The following LRRC4C variants were observed in gnomAD, a reference collection of about 807,000 sequenced individuals.
LRRC4C encodes leucine rich repeat containing 4C.
LRRC4C carries 5 observed loss-of-function variants against 33.6 expected under a neutral mutation model. The observed-to-expected ratio is 0.15, with a 90% CI of 0.08 to 0.31. LRRC4C has a LOEUF of 0.31. Ranked by LOEUF, LRRC4C falls within the 10% of genes least tolerant of loss-of-function variation. LRRC4C has a pLI of 1.00. For synonymous variants in LRRC4C, 329 were observed against 302.0 expected (o/e 1.09, Z -0.93); for missense variants, 560 against 796.7 (o/e 0.70, Z 3.58).
At chr11:41,275,107 A>T (rs1246300415) in intron 1 of LRRC4C, among the ~76,000 whole-genome samples, 1 of 152,168 alleles carries the variant, frequency 6.6e-6, no homozygotes, top group Non-Finnish European at 1.5e-5. Flanking sequence ...GCCATGAGAT[A>T]GGCCAGCTTA....
intron 1 of LRRC4C, among the ~76,000 whole-genome samples, chr11:41,154,440 A>C (rs1364861993): frequency 3.3e-5 from 5 of 152,132 alleles, no homozygotes; most frequent in Non-Finnish European, 7.4e-5. Context: ...GGAAAAGACC[A>C]AATTTTAAAA....
intron 2 of LRRC4C, among the ~76,000 whole-genome samples, chr11:40,797,804 G>T (rs1339553020): frequency 1.3e-5 from 2 of 152,080 alleles, no homozygotes; most frequent in Non-Finnish European, 2.9e-5. Flanking sequence ...GTGTTTAAAT[G>T]ATGATAAGCT....
At chr11:41,428,400 G>A (rs995679267) in intron 1 of LRRC4C, among the ~76,000 whole-genome samples, 4 of 152,072 alleles carry the variant, frequency 2.6e-5, no homozygotes, top group Non-Finnish European at 5.9e-5. Context: ...CTGCATTTAA[G>A]TATGTTCAAG....
At chr11:40,573,428 C>T (rs966280357) in intron 3 of LRRC4C, among the ~76,000 whole-genome samples, 2 of 152,158 alleles carry the variant, frequency 1.3e-5, no homozygotes, top group Non-Finnish European at 2.9e-5. Context: ...ACATTCATGC[C>T]TCTGTGACTT....
intron 1 of LRRC4C, among the ~76,000 whole-genome samples, chr11:41,034,566 A>T (rs1188123173): frequency 7.2e-6 from 1 of 139,634 alleles, no homozygotes; most frequent in Non-Finnish European, 1.5e-5. Flanking sequence ...CTTCCTTTTA[A>T]AAATTTGTCT....
chr11:40,510,197 ATATC>A (rs1359118788), intron 3 of LRRC4C, among the ~76,000 whole-genome samples: 1 of 148,688 alleles, frequency 6.7e-6, no homozygotes, highest in Non-Finnish European at 1.5e-5. Flanking sequence ...CTATGTGTAT[ATATC>A]TATATGTATT....
intron 5 of LRRC4C, among the ~76,000 whole-genome samples, chr11:40,197,227 C>A (rs1158968829): frequency 2.0e-5 from 3 of 152,140 alleles, no homozygotes; most frequent in Non-Finnish European, 2.9e-5. Flanking sequence ...AACACTTGAG[C>A]TTGAGCCTCC....
intron 1 of LRRC4C, among the ~76,000 whole-genome samples, chr11:41,320,743 A>C (rs1412762855): frequency 6.6e-6 from 1 of 152,182 alleles, no homozygotes; most frequent in East Asian, 1.9e-4. Context: ...ATTTGCATGT[A>C]TCAAAGACCA....
chr11:41,305,276 T>G (rs1431269516), intron 1 of LRRC4C, among the ~76,000 whole-genome samples: 1 of 39,340 alleles, frequency 2.5e-5, no homozygotes, highest in Non-Finnish European at 6.4e-5. Context: ...GGGAGGGAGG[T>G]GGGGGAGGGT....
chr11:40,170,647 C>T (rs1859969523), intron 5 of LRRC4C, among the ~76,000 whole-genome samples: 1 of 152,108 alleles, frequency 6.6e-6, no homozygotes, highest in South Asian at 2.1e-4. Context: ...CTTGAGAAAT[C>T]CAAGGATTGT....
chr11:41,332,914 T>A (rs1344535481), intron 1 of LRRC4C, among the ~76,000 whole-genome samples: 2 of 152,196 alleles, frequency 1.3e-5, no homozygotes, highest in South Asian at 4.1e-4. Context: ...GAATAACTTC[T>A]TCCTATAAGC....
intron 1 of LRRC4C, among the ~76,000 whole-genome samples, chr11:41,144,933 A>T (rs1042370633): frequency 6.6e-6 from 1 of 152,198 alleles, no homozygotes; most frequent in Non-Finnish European, 1.5e-5. Context: ...CTAGATGCAG[A>T]TTGCCTAGTT....
intron 1 of LRRC4C, among the ~76,000 whole-genome samples, chr11:41,092,284 T>G (rs1461486440): frequency 6.6e-6 from 1 of 152,122 alleles, no homozygotes; most frequent in Non-Finnish European, 1.5e-5. Context: ...AAAATAAGTC[T>G]CGGAGGAAGT....
chr11:41,025,284 C>T (rs994054041), intron 1 of LRRC4C, among the ~76,000 whole-genome samples: 4 of 151,526 alleles, frequency 2.6e-5, no homozygotes, highest in Non-Finnish European at 5.9e-5. Flanking sequence ...AAAGCTAGGC[C>T]TCTTGTGCCA....
At chr11:41,228,893 C>T (rs1004843108) in intron 1 of LRRC4C, among the ~76,000 whole-genome samples, 3 of 152,152 alleles carry the variant, frequency 2.0e-5, no homozygotes, top group African/African-American at 7.2e-5. Flanking sequence ...CACAGTTCAA[C>T]ATTGGAGTCC....
intron 3 of LRRC4C, among the ~76,000 whole-genome samples, chr11:40,579,706 G>C (rs1958380623): frequency 6.6e-6 from 1 of 151,938 alleles, no homozygotes. Context: ...AGCCAAAAAG[G>C]AATCACCCTC....
chr11:41,444,694 T>C (rs948947980), intron 1 of LRRC4C, among the ~76,000 whole-genome samples: 18 of 152,086 alleles, frequency 1.2e-4, no homozygotes, highest in African/African-American at 4.3e-4. Flanking sequence ...TAAGCTTGAG[T>C]ACAAAATTGG....
At chr11:41,319,017 A>G (rs897944369) in intron 1 of LRRC4C, among the ~76,000 whole-genome samples, 1 of 152,192 alleles carries the variant, frequency 6.6e-6, no homozygotes, top group Non-Finnish European at 1.5e-5. Context: ...ATACTTTCCC[A>G]CAGATTTTTA....
At chr11:40,237,113 C>A (rs1457891178) in intron 5 of LRRC4C, among the ~76,000 whole-genome samples, 1 of 152,146 alleles carries the variant, frequency 6.6e-6, no homozygotes, top group Non-Finnish European at 1.5e-5. Flanking sequence ...CATCACAAGT[C>A]CATATTGCTG....
Sources: gnomAD v4.1 joint callset for allele counts (sites outside exome capture counted in the v4.1 genomes callset) on GRCh38, gnomAD v4.1.1 for gene constraint, MANE v1.5 for transcripts, NCBI Gene and HGNC (gene_info 2026-07-23, HGNC 2026-07-21) for gene names.